The following FHIT variants were observed in gnomAD, a reference collection of about 807,000 sequenced individuals.
The protein encoded by FHIT is fragile histidine triad diadenosine triphosphatase, also known as bis(5'-adenosyl)-triphosphatase.
In FHIT, 19 loss-of-function variants were observed where a neutral mutation model predicts 17.9. That is an observed-to-expected ratio of 1.06 (90% CI 0.74 to 1.56). The LOEUF (loss-of-function observed/expected upper bound fraction) is 1.56. Among genes scored for constraint, FHIT ranks in the 40% most tolerant of loss-of-function variants. The pLI is 0.00. For synonymous variants in FHIT, 81 were observed against 69.7 expected (o/e 1.16, Z -0.81); for missense variants, 248 against 189.2 (o/e 1.31, Z -1.82).
intron 5 of FHIT, chr3:60,536,572 C>T (rs1207016620): frequency 9.8e-6 from 3 of 305,086 alleles, no homozygotes; most frequent in Non-Finnish European, 1.8e-5. Context: ...ATTTACTCAG[C>T]TATGGTAGTG....
At chr3:59,791,605 A>G (rs970125429) in intron 8 of FHIT, among the ~76,000 whole-genome samples, 2 of 152,128 alleles carry the variant, frequency 1.3e-5, no homozygotes, top group African/African-American at 4.8e-5. Context: ...AAGGGTCTCT[A>G]ATTTCTCTAT....
At chr3:60,335,804 A>T (rs1710207786) in intron 5 of FHIT, among the ~76,000 whole-genome samples, 1 of 152,146 alleles carries the variant, frequency 6.6e-6, no homozygotes, top group Non-Finnish European at 1.5e-5. Context: ...TGTAAGAATT[A>T]CTTTGGTGAC....
chr3:60,870,437 T>C (rs1304942493), intron 3 of FHIT, among the ~76,000 whole-genome samples: 7 of 152,090 alleles, frequency 4.6e-5, no homozygotes, highest in African/African-American at 1.7e-4. Flanking sequence ...GTTAATGGCC[T>C]TCAAGTATTC....
At chr3:61,124,338 C>T (rs535119638) in intron 2 of FHIT, among the ~76,000 whole-genome samples, 14 of 152,256 alleles carry the variant, frequency 9.2e-5, no homozygotes, top group African/African-American at 2.9e-4. Context: ...TTTGAATGCC[C>T]GAACTCTGCT....
At chr3:59,980,083 A>G (rs1455890155) in intron 7 of FHIT, among the ~76,000 whole-genome samples, 4 of 152,280 alleles carry the variant, frequency 2.6e-5, no homozygotes, top group Admixed American at 1.3e-4. Context: ...GATATTCTAA[A>G]ACACCACTTA....
intron 4 of FHIT, among the ~76,000 whole-genome samples, chr3:60,777,068 G>A (rs1305926625): frequency 1.3e-5 from 2 of 152,156 alleles, no homozygotes; most frequent in Admixed American, 6.5e-5. Flanking sequence ...GGTTATAAAA[G>A]GTTTTCGCTT....
At chr3:61,142,153 G>C (rs1352944688) in intron 2 of FHIT, among the ~76,000 whole-genome samples, 2 of 151,168 alleles carry the variant, frequency 1.3e-5, no homozygotes, top group African/African-American at 4.8e-5. Flanking sequence ...TGCATGCTGT[G>C]CTGAAATAGG....
At chr3:59,770,505 T>C (rs988284425) in intron 8 of FHIT, among the ~76,000 whole-genome samples, 2 of 152,120 alleles carry the variant, frequency 1.3e-5, no homozygotes, top group Non-Finnish European at 2.9e-5. Context: ...CTCTAAGCCA[T>C]GGAATGCCAA....
chr3:60,177,227 G>C (rs1329220521), intron 5 of FHIT, among the ~76,000 whole-genome samples: 3 of 150,822 alleles, frequency 2.0e-5, no homozygotes, highest in Non-Finnish European at 4.4e-5. Context: ...GGAGGGGAAG[G>C]AGAGAGAGGG....
chr3:60,166,956 T>C (rs1045468998), intron 5 of FHIT, among the ~76,000 whole-genome samples: 2 of 152,128 alleles, frequency 1.3e-5, no homozygotes, highest in Non-Finnish European at 2.9e-5. Flanking sequence ...GACAGTCCAG[T>C]TGCTCTAGTC....
intron 4 of FHIT, among the ~76,000 whole-genome samples, chr3:60,578,447 AC>A (rs2037644639): frequency 6.7e-6 from 1 of 148,486 alleles, no homozygotes; most frequent in African/African-American, 2.5e-5. Context: ...CAAAACACAC[AC>A]ACACACACAC....
intron 4 of FHIT, among the ~76,000 whole-genome samples, chr3:60,638,210 T>C (rs1418129372): frequency 6.6e-6 from 1 of 152,142 alleles, no homozygotes; most frequent in Non-Finnish European, 1.5e-5. Context: ...GGACAACCTT[T>C]CAAAGTAACA....
At chr3:60,719,419 A>G (rs2041760134) in intron 4 of FHIT, among the ~76,000 whole-genome samples, 1 of 152,190 alleles carries the variant, frequency 6.6e-6, no homozygotes, top group Non-Finnish European at 1.5e-5. Flanking sequence ...AGGTAAATGC[A>G]AATTTCTTAG....
At chr3:60,864,881 G>T (rs782106662) in intron 3 of FHIT, among the ~76,000 whole-genome samples, 3 of 151,836 alleles carry the variant, frequency 2.0e-5, no homozygotes, top group South Asian at 2.1e-4. Context: ...TAAAAGATTC[G>T]ATTAACTCTA....
At chr3:60,553,399 T>C (rs2036624112) in intron 4 of FHIT, 3 of 977,644 alleles carry the variant, frequency 3.1e-6, no homozygotes, top group African/African-American at 3.5e-5. Context: ...CACTGATTGA[T>C]CCGACGGAGA....
At chr3:60,170,409 G>A (rs1701365264) in intron 5 of FHIT, among the ~76,000 whole-genome samples, 1 of 152,146 alleles carries the variant, frequency 6.6e-6, no homozygotes, top group Non-Finnish European at 1.5e-5. Context: ...CCTGTTGGCT[G>A]AAGTTACTTT....
At chr3:59,831,107 G>C (rs1264761153) in intron 8 of FHIT, among the ~76,000 whole-genome samples, 2 of 152,146 alleles carry the variant, frequency 1.3e-5, no homozygotes, top group Non-Finnish European at 2.9e-5. Context: ...CTACCTCTTA[G>C]GGTTCTCGTG....
At chr3:60,209,048 C>T (rs190865217) in intron 5 of FHIT, among the ~76,000 whole-genome samples, 8 of 152,168 alleles carry the variant, frequency 5.3e-5, no homozygotes, top group Admixed American at 2.6e-4. Flanking sequence ...TCAAATATAC[C>T]GGAAGTCCCA....
At chr3:60,411,003 C>G (rs968310888) in intron 5 of FHIT, among the ~76,000 whole-genome samples, 1 of 152,014 alleles carries the variant, frequency 6.6e-6, no homozygotes, top group African/African-American at 2.4e-5. Context: ...GAGTAGTGTG[C>G]CAAATGTCAA....
Sources: gnomAD v4.1 joint callset for allele counts (sites outside exome capture counted in the v4.1 genomes callset) on GRCh38, gnomAD v4.1.1 for gene constraint, MANE v1.5 for transcripts, NCBI Gene and HGNC (gene_info 2026-07-23, HGNC 2026-07-21) for gene names.